The following PCNX1 variants were observed in gnomAD, a reference collection of about 807,000 sequenced individuals.
PCNX1 encodes the protein pecanex 1.
A neutral mutation model predicts 242.2 loss-of-function variants in PCNX1; 78 were observed. The observed-to-expected ratio is 0.32, with a 90% CI of 0.27 to 0.39. PCNX1 has a LOEUF of 0.39. Ranked by LOEUF, PCNX1 falls within the 10% of genes least tolerant of loss-of-function variation. The probability of loss-of-function intolerance (pLI) is 1.00; values close to 1 mark genes in which losing one functional copy is unlikely to be tolerated. For synonymous variants in PCNX1, 1,024 were observed against 1,032.9 expected (o/e 0.99, Z 0.17); for missense variants, 2,581 against 2,856.5 (o/e 0.90, Z 2.20).
intron 1 of PCNX1, among the ~76,000 whole-genome samples, chr14:70,920,178 G>A (rs2056323215): frequency 6.6e-6 from 1 of 152,188 alleles, no homozygotes; most frequent in Non-Finnish European, 1.5e-5. Flanking sequence ...CAAAGATGGA[G>A]TTCCTGTATA....
At chr14:70,908,138 CCCCACTGCGTGCT>C (rs2055649639) in intron 1 of PCNX1, 135 bp downstream of exon 1, 1 of 755,372 alleles carries the variant, frequency 1.3e-6, no homozygotes, top group East Asian at 3.4e-5. Flanking sequence ...GGCTCCCCGC[CCCCACTGCGTGCT>C]CCCACTCCTC....
chr14:70,917,993 C>T (rs1486073081), intron 1 of PCNX1, among the ~76,000 whole-genome samples: 1 of 152,164 alleles, frequency 6.6e-6, no homozygotes, highest in African/African-American at 2.4e-5. Context: ...CCTCATGAAC[C>T]AACTTCTGCT....
At chr14:70,936,486 T>TA (rs1288732492) in intron 1 of PCNX1, among the ~76,000 whole-genome samples, 3 of 152,206 alleles carry the variant, frequency 2.0e-5, no homozygotes, top group Non-Finnish European at 4.4e-5. Flanking sequence ...TTACATAGTA[T>TA]TCCATGGTGT....
At chr14:71,029,560 A>G (rs1595301006) in intron 16 of PCNX1, among the ~76,000 whole-genome samples, 1 of 152,236 alleles carries the variant, frequency 6.6e-6, no homozygotes, top group African/African-American at 2.4e-5. Context: ...CAGCATGTTC[A>G]AGACAGTGTA....
intron 28 of PCNX1, among the ~76,000 whole-genome samples, chr14:71,082,684 T>G (rs1258035651): frequency 6.6e-6 from 1 of 152,196 alleles, no homozygotes; most frequent in African/African-American, 2.4e-5. Flanking sequence ...GCTTTTTTTT[T>G]GCTTTCCATT....
At chr14:70,952,422 C>G (rs952192866) in intron 2 of PCNX1, among the ~76,000 whole-genome samples, 1 of 152,164 alleles carries the variant, frequency 6.6e-6, no homozygotes, top group African/African-American at 2.4e-5. Flanking sequence ...CCACTTTTCC[C>G]TTCAGGAGTA....
chr14:71,053,184 G>C (rs2061085905), intron 24 of PCNX1: 5 of 436,324 alleles, frequency 1.1e-5, no homozygotes, highest in Non-Finnish European at 2.3e-5. Context: ...TTATTCCTCT[G>C]GACCAATTAG....
rs921466164 is a variant in PCNX1, at chr14:71,102,306, A to C, written c.5820+86A>C. On this transcript the variant is annotated intron_variant, in intron 31 of 35. Transcript: ENST00000304743. ...TTTTTTTTTTTTGAGACAGAGTCTCACTTTGGGCCCAGGCTGGAATACAGT... is the reference window on the plus strand; with the variant it reads ...TTTTTTTTTTTTGAGACAGAGTCTCCCTTTGGGCCCAGGCTGGAATACAGT... 3.5e-6 allele frequency: 3 copies of C among 866,422 alleles called. No individual in the cohort carries two copies. The East Asian group carries it at 7.6e-5, about 22-fold the overall frequency. The allele number at this position is 866,422 out of a possible 1,614,324, so 53.7% of individuals were successfully genotyped here.
intron 19 of PCNX1, among the ~76,000 whole-genome samples, chr14:71,036,690 C>A (rs140525090): frequency 3.3e-5 from 5 of 152,278 alleles, no homozygotes; most frequent in African/African-American, 1.2e-4. Flanking sequence ...TTTCTCATAA[C>A]GTATCCTGTT....
At chr14:71,031,974 T>A in intron 16 of PCNX1, 2 of 1,268,194 alleles carry the variant, frequency 1.6e-6, no homozygotes, top group South Asian at 2.4e-5. Context: ...CTAGGCACTG[T>A]GGTTCATTGT....
intron 1 of PCNX1, among the ~76,000 whole-genome samples, chr14:70,946,252 A>C (rs535472819): frequency 6.6e-6 from 1 of 152,362 alleles, no homozygotes; most frequent in South Asian, 2.1e-4. Context: ...TGTCTTCCAT[A>C]TCTTACCTGG....
intron 19 of PCNX1, among the ~76,000 whole-genome samples, chr14:71,039,599 A>G (rs1332134767): frequency 3.9e-5 from 6 of 152,202 alleles, no homozygotes; most frequent in Non-Finnish European, 5.9e-5. Context: ...TAACCCTGGT[A>G]CATTGTGAGA....
chr14:70,948,561 ATG>A (rs765296117), intron 2 of PCNX1, among the ~76,000 whole-genome samples: 5 of 150,960 alleles, frequency 3.3e-5, no homozygotes, highest in Admixed American at 6.6e-5. Context: ...AATAAAATGT[ATG>A]TGTGTGTATA....
intron 23 of PCNX1, 147 bp from the exon 24 acceptor site, chr14:71,051,736 C>T: frequency 1.4e-6 from 1 of 691,304 alleles, no homozygotes; most frequent in Admixed American, 2.6e-5. Flanking sequence ...TAATGACTGC[C>T]CAGTGATATA....
At chr14:70,934,961 T>TAG (rs769310506) in intron 1 of PCNX1, among the ~76,000 whole-genome samples, 1 of 149,612 alleles carries the variant, frequency 6.7e-6, no homozygotes, top group South Asian at 2.2e-4. Flanking sequence ...CCAAGTAGAG[T>TAG]AGAGAATAAG....
At chr14:71,010,839 C>T (rs2059802834) in intron 9 of PCNX1, among the ~76,000 whole-genome samples, 1 of 152,030 alleles carries the variant, frequency 6.6e-6, no homozygotes, top group Non-Finnish European at 1.5e-5. Context: ...ATCTTGCAGT[C>T]ATTTAGCTCC....
At chr14:71,003,080 C>CTTTTTTGTTTTTTTTTTTTTT (rs2059553293) in intron 8 of PCNX1, among the ~76,000 whole-genome samples, 1 of 95,474 alleles carries the variant, frequency 1.0e-5, no homozygotes, top group Non-Finnish European at 1.9e-5. Context: ...TGGTTGTCTT[C>CTTTTTTGTTTTTTTTTTTTTT]TTTTTTTTTT....
At position 71,114,120 on chromosome 14, in the gene PCNX1, A is replaced by C. The variant is rs1283776877; in HGVS notation, c.*4185A>C. On this transcript the variant is annotated 3_prime_UTR_variant, in exon 36 of 36. Coordinates refer to ENST00000304743, the MANE Select transcript of PCNX1 (RefSeq NM_014982.3). ...TAATGGAGGTTGGACATTCTGTTTCAGTCTTACATGGATATTGTTTCATTG... is the reference window on the plus strand; with the variant it reads ...TAATGGAGGTTGGACATTCTGTTTCCGTCTTACATGGATATTGTTTCATTG... The C allele has an allele frequency of 6.6e-6, 1 of 152,204 alleles. No homozygotes were observed. Among genetic ancestry groups the C allele is most frequent in the Non-Finnish European group, 1.5e-5 (1 of 68,028 alleles). The allele number at this position is 152,204 out of a possible 1,614,324, so 9.4% of individuals were successfully genotyped here. A position where few individuals can be genotyped will look rare whatever the true frequency, so the allele number is the denominator to read the frequency against.
intron 11 of PCNX1, among the ~76,000 whole-genome samples, chr14:71,017,830 C>G (rs982516333): frequency 5.9e-5 from 9 of 152,114 alleles, no homozygotes; most frequent in African/African-American, 2.2e-4. Context: ...TTTGGAAATA[C>G]TATTGAACTT....
Sources: gnomAD v4.1 joint callset for allele counts (sites outside exome capture counted in the v4.1 genomes callset) on GRCh38, gnomAD v4.1.1 for gene constraint, MANE v1.5 for transcripts, NCBI Gene and HGNC (gene_info 2026-07-23, HGNC 2026-07-21) for gene names.